The following CKAP2L variants were observed in gnomAD, a reference collection of about 807,000 sequenced individuals.
CKAP2L encodes cytoskeleton associated protein 2L.
Under a neutral mutation model 65.7 loss-of-function variants are expected in CKAP2L, and 42 were observed. The observed-to-expected ratio is 0.64, with a 90% CI of 0.50 to 0.83. CKAP2L has a LOEUF of 0.83. CKAP2L is among the 40% of genes least tolerant of loss of function. The probability of loss-of-function intolerance (pLI) is 0.00; values close to 1 mark genes in which losing one functional copy is unlikely to be tolerated. For missense variants in CKAP2L, 908 were observed against 871.0 expected (o/e 1.04, Z -0.53); for synonymous variants, 325 against 313.5 (o/e 1.04, Z -0.39).
chr2:112,764,552 T>TCGTA lies in CKAP2L; in HGVS notation c.37+6_37+9dup. 2 of 1,614,032 alleles carry TCGTA rather than the reference T, an allele frequency of 1.2e-6. No individual in the cohort carries two copies. Among genetic ancestry groups the TCGTA allele is most frequent in the Non-Finnish European group, 8.5e-7 (1 of 1,179,926 alleles). On this transcript the variant is annotated intron_variant, in intron 1 of 8. Transcript: ENST00000302450. ...CGCCTGAGAATAACGGGAACAGCGGTCGTACTCACCGACAGCGGCAGCAGC... is the reference window on the plus strand; with the variant it reads ...CGCCTGAGAATAACGGGAACAGCGGTCGTACGTACTCACCGACAGCGGCAGCAGC...
chr2:112,752,691 T>G (rs1275838209), intron 4 of CKAP2L, among the ~76,000 whole-genome samples: 1 of 152,158 alleles, frequency 6.6e-6, no homozygotes, highest in African/African-American at 2.4e-5. Context: ...AGATCACACG[T>G]GGCCAGCACT....
chr2:112,762,635 T>G (rs1680760554), intron 1 of CKAP2L, 66 bp from the exon 2 acceptor site: 1 of 1,291,100 alleles, frequency 7.7e-7, no homozygotes. Flanking sequence ...TTCATTAATA[T>G]TCTAAAAGAT....
chr2:112,741,031 AAAGT>A (rs1679911457), intron 7 of CKAP2L, 24 bp from the exon 8 acceptor site: 1 of 1,515,010 alleles, frequency 6.6e-7, no homozygotes, highest in Middle Eastern at 1.8e-4. Context: ...ATCATGAAGG[AAAGT>A]AAGATTTACC....
intron 1 of CKAP2L, among the ~76,000 whole-genome samples, chr2:112,763,027 C>T (rs989881221): frequency 6.6e-6 from 1 of 152,114 alleles, no homozygotes; most frequent in Non-Finnish European, 1.5e-5. Flanking sequence ...CTCAAGTGAC[C>T]CTCCTGCTTT....
intron 8 of CKAP2L, among the ~76,000 whole-genome samples, chr2:112,739,279 G>T (rs1365225631): frequency 6.6e-6 from 1 of 152,056 alleles, no homozygotes; most frequent in Non-Finnish European, 1.5e-5. Flanking sequence ...AAATTAGCTG[G>T]GCATGGTGGC....
At chr2:112,761,239 T>C (rs1680711607) in intron 2 of CKAP2L, among the ~76,000 whole-genome samples, 1 of 151,884 alleles carries the variant, frequency 6.6e-6, no homozygotes, top group Admixed American at 6.6e-5. Flanking sequence ...GGCAGGCGGA[T>C]CATGAGATCA....
rs776559809 is a variant in CKAP2L at position 112,756,303 on chromosome 2, C to T, written c.1068G>A (p.Lys356=). ...TCTGAGGTATACAAACTTGGCTGGA[C>T]TTCTGATCTTGCTTGATGTTTGGAT... ...NRHPNIKQDQ[K]SSQVCIPQTS... is the part of the protein sequence containing the mutation. The change falls in exon 4 of 9, where the codon AAG becomes AAA. Residue 356 remains lysine (K), a synonymous_variant. Coordinates refer to ENST00000302450, the MANE Select transcript of CKAP2L (RefSeq NM_152515.5). 4 of 1,613,898 alleles carry T rather than the reference C, an allele frequency of 2.5e-6. No individual in the cohort carries two copies. Among genetic ancestry groups the T allele is most frequent in the Non-Finnish European group, 3.4e-6 (4 of 1,179,908 alleles).
At chr2:112,739,976 T>C (rs767410102) in intron 8 of CKAP2L, among the ~76,000 whole-genome samples, 2 of 151,906 alleles carry the variant, frequency 1.3e-5, no homozygotes, top group Non-Finnish European at 2.9e-5. Context: ...TTTTTTGAGA[T>C]GGAGTTTCAC....
Position 112,762,540 on chromosome 2 carries a change from G to C in CKAP2L, c.67C>G (p.Leu23Val), listed in dbSNP as rs1159387639. Residue 23 changes from leucine to valine, a missense_variant, in exon 2 of 9, where the codon CTT (leucine) becomes GTT (valine). Leu to Val is a conservative substitution (Grantham distance 32). Transcript: ENST00000302450. ...EERQRKLQEY[L>V]AAKGKLKSQN... The stretch of plus-strand genomic sequence containing the variant: ...CTCTTCAGTTTTCCCTTGGCTGCAA[G>C]GTACTCCTGAAGCTTTCTCTGCCGC... 7.4e-6 allele frequency: 12 copies of C among 1,614,072 alleles called. No homozygotes were observed. The highest frequency in any genetic ancestry group is 8.5e-6 in the Non-Finnish European group (10 of 1,179,926).
In CKAP2L at chr2:112,757,131, G is replaced by C; in HGVS notation, c.240C>G (p.Pro80=). 14 of 1,614,078 alleles carry C rather than the reference G, an allele frequency of 8.7e-6. No homozygotes were observed. The highest frequency in any genetic ancestry group is 1.3e-5 in the African/African-American group (1 of 75,014). ...PKRSISIKLQ[P]RPPNTAGSQK... ...GGGACCCTGCAGTATTAGGTGGTCT[G>C]GGCTGGAGTTTAATGCTGATGGACC... The change falls in exon 4 of 9, where the codon CCC becomes CCG. Residue 80 remains proline (P), a synonymous_variant. Coordinates refer to ENST00000302450, the MANE Select transcript of CKAP2L (RefSeq NM_152515.5).
At chr2:112,761,019 A>G (rs1402648997) in intron 2 of CKAP2L, among the ~76,000 whole-genome samples, 1 of 151,860 alleles carries the variant, frequency 6.6e-6, no homozygotes, top group African/African-American at 2.4e-5. Context: ...CTGTCTATAC[A>G]TAAATCTAGC....
intron 3 of CKAP2L, among the ~76,000 whole-genome samples, chr2:112,758,147 T>C (rs1467581859): frequency 6.6e-6 from 1 of 152,188 alleles, no homozygotes; most frequent in Non-Finnish European, 1.5e-5. Context: ...TTAGAGTCTA[T>C]GTTAATAATA....
chr2:112,759,492 A>G (rs1680651240), intron 3 of CKAP2L, among the ~76,000 whole-genome samples: 1 of 152,184 alleles, frequency 6.6e-6, no homozygotes, highest in African/African-American at 2.4e-5. Context: ...TGTAAAGCAG[A>G]TAAGGTAGGT....
rs1489749870 is a variant in CKAP2L at position 112,756,930 on chromosome 2, C to A, written c.441G>T (p.Leu147Phe). 1 of 1,614,176 alleles carries A rather than the reference C, an allele frequency of 6.2e-7. No individual in the cohort carries two copies. Among genetic ancestry groups the A allele is most frequent in the Admixed American group, 1.7e-5 (1 of 60,014 alleles). ...KPVGSLNIEQLKTTKQQLTDQ... is the reference protein window; with the variant it reads ...KPVGSLNIEQFKTTKQQLTDQ... Reference sequence around the variant, plus strand: ...CTGTTAACTGCTGCTTTGTAGTTTTCAATTGCTCTATATTAAGTGACCCCA... The same window carrying A: ...CTGTTAACTGCTGCTTTGTAGTTTTAAATTGCTCTATATTAAGTGACCCCA... Residue 147 changes from leucine to phenylalanine, a missense_variant, in exon 4 of 9, where the codon TTG becomes TTT. Leu to Phe is a conservative substitution (Grantham distance 22, BLOSUM62 0). Coordinates refer to ENST00000302450, the MANE Select transcript of CKAP2L (RefSeq NM_152515.5).
At position 112,756,224 on chromosome 2, in the gene CKAP2L, C is replaced by G. The variant is rs1388122574; in HGVS notation, c.1147G>C (p.Val383Leu). ...KAISQRPNLTVGRFNSAIPST... is the reference protein window; with the variant it reads ...KAISQRPNLTLGRFNSAIPST... Reference sequence around the variant, plus strand: ...GGAATGGCTGAATTAAATCTGCCAACTGTCAAATTAGGCCTCTGGCTTATG... The same window carrying G: ...GGAATGGCTGAATTAAATCTGCCAAGTGTCAAATTAGGCCTCTGGCTTATG... Residue 383 changes from valine to leucine, a missense_variant, in exon 4 of 9, where the codon GTT becomes CTT. Coordinates refer to ENST00000302450, the MANE Select transcript of CKAP2L (RefSeq NM_152515.5). 6 of 1,614,184 alleles carry G rather than the reference C, an allele frequency of 3.7e-6. No homozygotes were observed. The highest frequency in any genetic ancestry group is 1.6e-4 in the Middle Eastern group (1 of 6,062).
At chr2:112,739,081 TATC>T in intron 8 of CKAP2L, 33 bp from the exon 9 acceptor site, 15 of 1,484,018 alleles carry the variant, frequency 1.0e-5, no homozygotes, top group Non-Finnish European at 1.4e-5. Context: ...TTAAAAACCT[TATC>T]ATTTAAAAAA....
rs138357559 is a variant in CKAP2L at position 112,738,888 on chromosome 2, A to T, written c.2173T>A (p.Cys725Ser). ...DELLEVEETKCFIFRRNEALP... is the reference protein window; with the variant it reads ...DELLEVEETKSFIFRRNEALP... ...GCCTCATTTCTACGGAATATAAAACATTTTGTTTCTTCCACTTCTAACAGT... is the reference window on the plus strand; with the variant it reads ...GCCTCATTTCTACGGAATATAAAACTTTTTGTTTCTTCCACTTCTAACAGT... The change falls in exon 9 of 9, where the codon TGT (cysteine) becomes AGT (serine). Residue 725 changes from cysteine to serine, a missense_variant. Coordinates refer to ENST00000302450, the MANE Select transcript of CKAP2L (RefSeq NM_152515.5). 976 of 1,613,984 alleles carry T rather than the reference A, an allele frequency of 6.0e-4. No homozygotes were observed. The highest frequency in any genetic ancestry group is 7.8e-4 in the Non-Finnish European group (917 of 1,179,958).
In CKAP2L at chr2:112,740,910, T is replaced by C. The variant is rs1679896478; in HGVS notation, c.1920A>G (p.Lys640=). The change falls in exon 8 of 9, where the codon AAA becomes AAG. Residue 640 remains lysine (K), a synonymous_variant. Transcript: ENST00000302450. The part of the protein sequence containing the change: ...MESVKSCLSP[K]EREQVTATPR... ...GTGTCGCCGTGACTTGTTCCCTCTC[T>C]TTTGGAGAAAGACAAGACTTCACAG... 2.5e-6 allele frequency: 4 copies of C among 1,614,092 alleles called. No homozygotes were observed. Among genetic ancestry groups the C allele is most frequent in the Non-Finnish European group, 3.4e-6 (4 of 1,179,966 alleles).
At position 112,742,545 on chromosome 2, in the gene CKAP2L, A is replaced by C. The variant is rs1680045366; in HGVS notation, c.1822+161T>G. ...AGTGCATTTACTTGTAATAATACAAATAAGTCAGCTGATGACAATGGCTGA... is the reference window on the plus strand; with the variant it reads ...AGTGCATTTACTTGTAATAATACAACTAAGTCAGCTGATGACAATGGCTGA... On this transcript the variant is annotated intron_variant, in intron 7 of 8. Transcript: ENST00000302450. The C allele has an allele frequency of 4.2e-6, 3 of 710,124 alleles. No individual in the cohort carries two copies. In the South Asian group the frequency reaches 4.5e-5, roughly 11 times the overall value. The allele number at this position is 710,124 out of a possible 1,614,324, so 44.0% of individuals were successfully genotyped here.
Sources: allele counts gnomAD v4.1 joint callset (sites outside exome capture counted in the v4.1 genomes callset), GRCh38; gene constraint gnomAD v4.1.1; transcripts MANE v1.5; gene names NCBI Gene and HGNC (gene_info 2026-07-23, HGNC 2026-07-21).